LY75: variants seen among roughly 807,000 people sequenced by gnomAD.
LY75 encodes C-type lectin domain family 13 member B.
Under a neutral mutation model 231.7 loss-of-function variants are expected in LY75, and 185 were observed. That is an observed-to-expected ratio of 0.80 (90% confidence interval 0.71 to 0.90). The LOEUF (loss-of-function observed/expected upper bound fraction) is 0.90, where lower values mean the gene tolerates loss of function less well. Ranked by LOEUF, LY75 falls within the 40% of genes least tolerant of loss-of-function variation. The pLI is 0.00. For missense variants in LY75, 1,947 were observed against 2,050.2 expected, an observed-to-expected ratio of 0.95 and a Z score of 0.97; for synonymous variants, 668 against 689.0, an observed-to-expected ratio of 0.97 and a Z score of 0.48.
chr2:159,857,847 C>A (rs1039277697), intron 16 of LY75, among the ~76,000 whole-genome samples: 5 of 152,192 alleles, frequency 3.3e-5, no homozygotes, highest in Admixed American at 2.6e-4. Flanking sequence ...TCTCCCCACT[C>A]TCCCTTCTGT....
intron 20 of LY75, among the ~76,000 whole-genome samples, chr2:159,853,047 A>T (rs895573262): frequency 1.3e-5 from 2 of 152,234 alleles, no homozygotes; most frequent in Non-Finnish European, 2.9e-5. Flanking sequence ...GGAAAGTGGT[A>T]AGTTTATTAC....
chr2:159,824,481 A>T (rs1270639992), intron 28 of LY75, among the ~76,000 whole-genome samples: 1 of 152,168 alleles, frequency 6.6e-6, no homozygotes, highest in Non-Finnish European at 1.5e-5. Context: ...GTTCATAGAG[A>T]CCTACAAAGA....
At chr2:159,843,619 T>G (rs1285650254) in intron 23 of LY75, among the ~76,000 whole-genome samples, 1 of 152,046 alleles carries the variant, frequency 6.6e-6, no homozygotes, top group Non-Finnish European at 1.5e-5. Flanking sequence ...AATTGAGGCT[T>G]AAGAAAAGTT....
In LY75 at chr2:159,836,795, G is replaced by A. The variant is rs76399888; in HGVS notation, c.3508-1150C>T. ...ACTGTGGCCTCCAGTGTGGCCCTTC[G>A]GCCATGCGACTTTGCCTGCACTCAT... On this transcript the variant is annotated intron_variant, in intron 25 of 34. Coordinates refer to ENST00000263636, the MANE Select transcript of LY75 (RefSeq NM_002349.4). 1.0e-3 allele frequency among the ~76,000 whole-genome samples: 158 copies of A among 152,222 alleles called. 1 individual carries two copies. The East Asian group carries it at 0.023, about 23-fold the overall frequency.
chr2:159,868,321 T>C (rs1028141990), intron 13 of LY75, among the ~76,000 whole-genome samples: 2 of 152,188 alleles, frequency 1.3e-5, no homozygotes, highest in Non-Finnish European at 2.9e-5. Flanking sequence ...AAATTCAATG[T>C]GCATTACTTT....
chr2:159,840,005 CAAAA>C (rs10671183), intron 25 of LY75, among the ~76,000 whole-genome samples: 1 of 58,918 alleles, frequency 1.7e-5, no homozygotes. Flanking sequence ...GAACCTGTCT[CAAAA>C]AAAAAAAAAA....
At chr2:159,894,132 TCAGCGTCAGGTGGCTAATTTC>T in intron 2 of LY75, 48 bp from the exon 3 acceptor site, 1 of 1,543,210 alleles carries the variant, frequency 6.5e-7, no homozygotes, top group South Asian at 1.2e-5. Context: ...AACTGGGTAG[TCAGCGTCAGGTGGCTAATTTC>T]TAAAACTGTT....
At chr2:159,825,654 A>C (rs1683439646) in intron 28 of LY75, among the ~76,000 whole-genome samples, 1 of 152,198 alleles carries the variant, frequency 6.6e-6, no homozygotes, top group South Asian at 2.1e-4. Flanking sequence ...AAACACAACA[A>C]AAAAAGAAAA....
intron 28 of LY75, among the ~76,000 whole-genome samples, chr2:159,822,791 CT>C (rs745604115): frequency 2.0e-5 from 3 of 152,180 alleles, no homozygotes; most frequent in Non-Finnish European, 4.4e-5. Context: ...GCAATCTTTG[CT>C]GTTCTGCAGC....
At chr2:159,811,325 G>T (rs1346610944) in intron 31 of LY75, among the ~76,000 whole-genome samples, 1 of 152,116 alleles carries the variant, frequency 6.6e-6, no homozygotes, top group Non-Finnish European at 1.5e-5. Context: ...ACTAGGAGTG[G>T]CTTCTTAGCT....
chr2:159,807,925 T>C (rs1005459968), intron 33 of LY75: 48 of 983,178 alleles, frequency 4.9e-5, no homozygotes, highest in Non-Finnish European at 5.8e-5. Context: ...GCAAAAGTAA[T>C]GGCAAAAGCT....
intron 3 of LY75, among the ~76,000 whole-genome samples, chr2:159,892,417 G>A (rs1377468473): frequency 6.6e-6 from 1 of 152,176 alleles, no homozygotes; most frequent in Admixed American, 6.5e-5. Context: ...TCTTAGGCAA[G>A]TTACATATCT....
chr2:159,841,953 C>T (rs771984014), intron 24 of LY75, among the ~76,000 whole-genome samples: 1 of 151,996 alleles, frequency 6.6e-6, no homozygotes, highest in African/African-American at 2.4e-5. Flanking sequence ...AACTCTGACT[C>T]ACTAACCCAA....
chr2:159,903,876 T>C (rs1235392575), intron 1 of LY75, among the ~76,000 whole-genome samples: 1 of 152,198 alleles, frequency 6.6e-6, no homozygotes, highest in Non-Finnish European at 1.5e-5. Context: ...CTGTTTCTGG[T>C]CCTGCTTCCG....
intron 1 of LY75, among the ~76,000 whole-genome samples, chr2:159,900,466 C>T (rs1686041755): frequency 6.6e-6 from 1 of 152,198 alleles, no homozygotes; most frequent in Non-Finnish European, 1.5e-5. Flanking sequence ...CAGAGTTCAG[C>T]AGAAAGACCT....
chr2:159,807,744 A>G (rs1682830966), intron 33 of LY75: 1 of 944,342 alleles, frequency 1.1e-6, no homozygotes, highest in Non-Finnish European at 1.3e-6. Context: ...ACATTTTAAT[A>G]ATTTAAAATT....
Position 159,898,689 on chromosome 2 carries a change from A to G in LY75, c.465T>C (p.His155=), listed in dbSNP as rs145701809. ...SEESLCDQPY[H]EIYTRDGNSY... ...TCAAAGTCCCTCTCTAATACTCACC[A>G]TGATAAGGCTGGTCACAAAGGCTTT... The change falls in exon 2 of 35, where the codon CAT becomes CAC. Residue 155 remains histidine, a splice_region_variant and synonymous_variant. Coordinates refer to ENST00000263636, the MANE Select transcript of LY75 (RefSeq NM_002349.4). 1.2e-6 allele frequency: 2 copies of G among 1,609,456 alleles called. No individual in the cohort carries two copies. Among genetic ancestry groups the G allele is most frequent in the Non-Finnish European group, 1.7e-6 (2 of 1,176,374 alleles).
At chr2:159,878,175 T>C in intron 11 of LY75, 149 bp downstream of exon 11, 7 of 1,093,174 alleles carry the variant, frequency 6.4e-6, no homozygotes, top group Non-Finnish European at 9.0e-6. Context: ...ACATAGCCAC[T>C]GCTTCTATTT....
chr2:159,863,572 A>G (rs1684775245), intron 14 of LY75, among the ~76,000 whole-genome samples: 1 of 152,080 alleles, frequency 6.6e-6, no homozygotes, highest in South Asian at 2.1e-4. Context: ...ATTTTTTCCT[A>G]TGACTGTTGG....
Sources: allele counts gnomAD v4.1 joint callset (sites outside exome capture counted in the v4.1 genomes callset), GRCh38; gene constraint gnomAD v4.1.1; transcripts MANE v1.5; gene names NCBI Gene and HGNC (gene_info 2026-07-23, HGNC 2026-07-21).